RIF1: variants seen among roughly 807,000 people sequenced by gnomAD.
RIF1 encodes replication timing regulatory factor 1, also known as telomere-associated protein RIF1.
RIF1 carries 45 observed loss-of-function variants against 247.1 expected under a neutral mutation model. The ratio of observed to expected loss-of-function variants is 0.18; its 90% CI spans 0.14 to 0.23. The LOEUF is 0.23. Ranked by LOEUF, RIF1 falls within the 10% of genes least tolerant of loss-of-function variation. The pLI is 1.00. For missense variants in RIF1, 2,967 were observed against 2,862.5 expected (o/e 1.04, Z -0.83); for synonymous variants, 1,087 against 978.8 (o/e 1.11, Z -2.06).
At chr2:151,444,647 C>T (rs1416181530) in intron 18 of RIF1, among the ~76,000 whole-genome samples, 7 of 152,186 alleles carry the variant, frequency 4.6e-5, no homozygotes, top group Admixed American at 2.6e-4. Context: ...CAAGCTAGCA[C>T]ACTATTCTTC....
chr2:151,486,095 A>T (rs1051692191), downstream of RIF1, among the ~76,000 whole-genome samples: 3 of 152,214 alleles, frequency 2.0e-5, no homozygotes, highest in Non-Finnish European at 4.4e-5. Flanking sequence ...AAAATAGGAA[A>T]TACTTGCAAG....
chr2:151,520,199 A>C, the RIF1 span, among the ~76,000 whole-genome samples: 1 of 152,206 alleles, frequency 6.6e-6, no homozygotes, highest in African/African-American at 2.4e-5. Flanking sequence ...AGGTTGAAAA[A>C]TAAAGAATCT....
At chr2:151,431,858 G>A (rs1337133208) in intron 9 of RIF1, among the ~76,000 whole-genome samples, 1 of 152,168 alleles carries the variant, frequency 6.6e-6, no homozygotes, top group African/African-American at 2.4e-5. Context: ...TCTTGGACTG[G>A]AGAACTTGTT....
chr2:151,415,009 T>G, intron 4 of RIF1, 90 bp downstream of exon 4: 1 of 784,230 alleles, frequency 1.3e-6, no homozygotes, highest in Non-Finnish European at 2.1e-6. Context: ...AGTACTGTTA[T>G]GTCTGGATTA....
At chr2:151,520,830 C>T in the RIF1 span, among the ~76,000 whole-genome samples, 3 of 152,096 alleles carry the variant, frequency 2.0e-5, no homozygotes, top group African/African-American at 7.3e-5. Flanking sequence ...CACCACTGCA[C>T]TCCATCGTGG....
chr2:151,524,135 A>G, the RIF1 span, among the ~76,000 whole-genome samples: 1 of 152,238 alleles, frequency 6.6e-6, no homozygotes. Flanking sequence ...AGGTCTAGAC[A>G]GCTTAGAGGG....
downstream of RIF1, chr2:151,508,078 A>T: frequency 1.2e-6 from 2 of 1,609,832 alleles, no homozygotes; most frequent in Non-Finnish European, 1.7e-6. Context: ...ATAATACGAC[A>T]TGGACTTCTC....
intron 9 of RIF1, among the ~76,000 whole-genome samples, chr2:151,431,966 A>AT (rs2152307569): frequency 6.6e-6 from 1 of 152,260 alleles, no homozygotes; most frequent in African/African-American, 2.4e-5. Context: ...CATTCCACCA[A>AT]ATACATGGCC....
chr2:151,530,362 G>T, the RIF1 span, among the ~76,000 whole-genome samples: 1 of 152,082 alleles, frequency 6.6e-6, no homozygotes, highest in Non-Finnish European at 1.5e-5. Flanking sequence ...ACCCACTTTT[G>T]CTCTTCTTAA....
chr2:151,507,822 T>C (rs990829819), exon 14 of RIF1: 5 of 574,284 alleles, frequency 8.7e-6, no homozygotes, highest in Non-Finnish European at 1.6e-5. Context: ...TCTTTCATGC[T>C]GTGATTTGGG....
Position 151,465,783 on chromosome 2 carries a change from A to G in RIF1, c.6263A>G (p.Asn2088Ser). 10 of 1,613,128 alleles carry G rather than the reference A, an allele frequency of 6.2e-6. No homozygotes were observed. Among genetic ancestry groups the G allele is most frequent in the Non-Finnish European group, 8.5e-6 (10 of 1,179,126 alleles). ...GIIDANKTET[N>S]TEYSKSEEKL... ...ATTGACGCTAATAAAACTGAAACAA[A>G]TACTGAGTATAGTAAATCTGAAGAA... Residue 2088 changes from asparagine to serine, a missense_variant, in exon 30 of 36, where the codon AAT (asparagine) becomes AGT (serine). Asn to Ser is a conservative substitution (Grantham distance 46, BLOSUM62 1). This residue lies in a region of RIF1 where 2,028 missense variants were observed against 1,825.6 expected (regional missense o/e 1.11). Transcript: ENST00000444746.
Position 151,443,595 on chromosome 2 carries a change from C to T in RIF1, c.1872C>T (p.Phe624=), listed in dbSNP as rs764590815. The change falls in exon 18 of 36, where the codon TTC becomes TTT. Residue 624 remains phenylalanine (F), a synonymous_variant. Coordinates refer to ENST00000444746, the MANE Select transcript of RIF1 (RefSeq NM_018151.5). ...VLSGPTSPLA[F]SDSVLNVINQ... ...CTGGTCCAACTTCACCACTAGCTTT[C>T]AGTGACTCAGTTTTAAATGTTATTA... is the stretch of plus-strand genomic sequence containing the variant. The T allele has an allele frequency of 3.5e-5, 57 of 1,612,172 alleles. No individual in the cohort carries two copies. The Middle Eastern group carries it at 9.9e-4, about 28-fold the overall frequency.
chr2:151,456,285 A>G (rs961305082), intron 22 of RIF1, among the ~76,000 whole-genome samples: 2 of 152,232 alleles, frequency 1.3e-5, no homozygotes, highest in Admixed American at 1.3e-4. Context: ...CTTTAAGTCT[A>G]TATTTCATCA....
At chr2:151,521,690 G>A in the RIF1 span, among the ~76,000 whole-genome samples, 11 of 152,128 alleles carry the variant, frequency 7.2e-5, no homozygotes, top group Non-Finnish European at 1.5e-4. Context: ...TATTTTTCAA[G>A]CAGCAATCCC....
intron 15 of RIF1, among the ~76,000 whole-genome samples, chr2:151,441,282 T>C (rs1304377671): frequency 6.6e-6 from 1 of 152,214 alleles, no homozygotes; most frequent in African/African-American, 2.4e-5. Flanking sequence ...CTCAGTCAGT[T>C]TGATTTAGCA....
At chr2:151,439,391 G>A (rs533846866) in intron 14 of RIF1, among the ~76,000 whole-genome samples, 3 of 152,236 alleles carry the variant, frequency 2.0e-5, no homozygotes, top group East Asian at 1.9e-4. Flanking sequence ...CTAGCCGGGC[G>A]CGGTGGCTCA....
rs1489000277 is a variant in RIF1 at position 151,464,706 on chromosome 2, C to G, written c.5186C>G (p.Ser1729Cys). 4 of 1,613,140 alleles carry G rather than the reference C, an allele frequency of 2.5e-6. No homozygotes were observed. Among genetic ancestry groups the G allele is most frequent in the Middle Eastern group, 1.7e-4 (1 of 6,054 alleles). ...QHKRSRRVRR[S>C]KGCDCCGEKS... ...AAGAGAAGTAGGAGGGTGAGGAGAT[C>G]TAAAGGTTGTGATTGCTGTGGGGAA... Residue 1729 changes from serine (S) to cysteine (C), a missense_variant, in exon 30 of 36, where the codon TCT becomes TGT. This residue lies in a region of RIF1 where 2,028 missense variants were observed against 1,825.6 expected (regional missense o/e 1.11). Coordinates refer to ENST00000444746, the MANE Select transcript of RIF1 (RefSeq NM_018151.5).
intron 13 of RIF1, chr2:151,506,799 TGAG>T: frequency 2.7e-6 from 2 of 729,496 alleles, no homozygotes; most frequent in South Asian, 3.3e-5. Context: ...CTAGTATTAC[TGAG>T]GAGGTTAGAT....
In RIF1 at chr2:151,474,905, T is replaced by C. The variant is rs778777325; in HGVS notation, c.7253T>C (p.Leu2418Pro). 8.7e-6 allele frequency: 14 copies of C among 1,604,264 alleles called. No individual in the cohort carries two copies. The East Asian group carries it at 2.9e-4, about 33-fold the overall frequency. ...ALEIPLSKNL[L>P]AQISALALQL... Reference sequence around the variant, plus strand: ...GAAATTCCATTATCCAAAAACCTTCTGGCACAGATTAGTGCTCTTGCTCTT... The same window carrying C: ...GAAATTCCATTATCCAAAAACCTTCCGGCACAGATTAGTGCTCTTGCTCTT... The change falls in exon 36 of 36, where the codon CTG becomes CCG. Residue 2418 changes from leucine (L) to proline (P), a missense_variant. Coordinates refer to ENST00000444746, the MANE Select transcript of RIF1 (RefSeq NM_018151.5).
Sources: gnomAD v4.1 joint callset for allele counts (sites outside exome capture counted in the v4.1 genomes callset) on GRCh38, gnomAD v4.1.1 for gene constraint, gnomAD v4.1.1 regional missense constraint, MANE v1.5 for transcripts, NCBI Gene and HGNC (gene_info 2026-07-23, HGNC 2026-07-21) for gene names.